RSU1: variants seen among roughly 807,000 people sequenced by gnomAD.
RSU1 encodes the protein rsu-1.
Under a neutral mutation model 31.1 loss-of-function variants are expected in RSU1, and 26 were observed. That is an observed-to-expected ratio of 0.84 (90% CI 0.61 to 1.16). The LOEUF is 1.16. Among genes scored for constraint, RSU1 ranks in the 50% most tolerant of loss-of-function variants. The probability of loss-of-function intolerance (pLI) is 0.00; values close to 1 mark genes in which losing one functional copy is unlikely to be tolerated. For synonymous variants in RSU1, 164 were observed against 136.3 expected (o/e 1.20, Z -1.41); for missense variants, 320 against 339.1 (o/e 0.94, Z 0.44).
intron 8 of RSU1, among the ~76,000 whole-genome samples, chr10:16,619,671 T>C (rs76933941): frequency 6.6e-6 from 1 of 152,218 alleles, no homozygotes; most frequent in African/African-American, 2.4e-5. Flanking sequence ...CCTAGACTTA[T>C]GGACACATGG....
At chr10:16,817,228 C>T (rs536884102) in intron 1 of RSU1, 87 bp downstream of exon 1, 5 of 432,196 alleles carry the variant, frequency 1.2e-5, no homozygotes, top group East Asian at 4.9e-5. Context: ...GGTCCGGGTG[C>T]GGGGAGGGGA....
At chr10:16,765,641 CT>C (rs1837299043) in intron 3 of RSU1, among the ~76,000 whole-genome samples, 1 of 152,230 alleles carries the variant, frequency 6.6e-6, no homozygotes, top group South Asian at 2.1e-4. Flanking sequence ...GCTATTCAGT[CT>C]TTCTACAAAC....
intron 7 of RSU1, among the ~76,000 whole-genome samples, chr10:16,715,605 C>T (rs1836124513): frequency 6.6e-6 from 1 of 152,182 alleles, no homozygotes; most frequent in African/African-American, 2.4e-5. Flanking sequence ...GTCAAAAAAT[C>T]ACTTGACCAT....
Position 16,697,987 on chromosome 10 carries a change from C to CTTTT in RSU1, c.599-2836_599-2833dup, listed in dbSNP as rs67816326. Reference sequence around the variant, plus strand: ...CAGAGGGGTGATTGCAGGAACACACCTTTTTTTTTTTTTTTTTTTTTTTTT... The same window carrying CTTTT: ...CAGAGGGGTGATTGCAGGAACACACCTTTTTTTTTTTTTTTTTTTTTTTTTTTTT... On this transcript the variant is annotated intron_variant, in intron 7 of 8. Transcript: ENST00000345264. 1.6e-3 allele frequency among the ~76,000 whole-genome samples: 155 copies of CTTTT among 99,546 alleles called. 5 individuals are homozygous for CTTTT. The highest frequency in any genetic ancestry group is 6.5e-3 in the African/African-American group (132 of 20,254). The allele number at this position is 99,546 out of a possible 152,430, so 65.3% of individuals were successfully genotyped here. A position where few individuals can be genotyped will look rare whatever the true frequency, so the allele number is the denominator to read the frequency against.
rs973614856 is a variant in RSU1 at position 16,614,006 on chromosome 10, T to C, written c.732-20510A>G. On this transcript the variant is annotated intron_variant, in intron 8 of 8. Transcript: ENST00000345264. ...GATTCAGGGGTACTCGCAGGGATTGTGGGCAATAGCATTAACGCCAGAAAA... is the reference window on the plus strand; with the variant it reads ...GATTCAGGGGTACTCGCAGGGATTGCGGGCAATAGCATTAACGCCAGAAAA... Among the ~76,000 whole-genome samples, 4 of 152,230 alleles carry C rather than the reference T, an allele frequency of 2.6e-5. No individual in the cohort carries two copies. In the East Asian group the frequency reaches 7.7e-4, roughly 29 times the overall value.
At chr10:16,595,043 C>T (rs1201483414) in intron 8 of RSU1, among the ~76,000 whole-genome samples, 2 of 151,882 alleles carry the variant, frequency 1.3e-5, no homozygotes, top group African/African-American at 2.4e-5. Context: ...CTTGGCCTCC[C>T]AAAGTGCTGA....
intron 3 of RSU1, among the ~76,000 whole-genome samples, chr10:16,770,957 TAAAAA>T (rs10547207): frequency 1.7e-5 from 2 of 120,100 alleles, no homozygotes; most frequent in Non-Finnish European, 3.5e-5. Context: ...TATTGCTATT[TAAAAA>T]AAAAAAAAAA....
intron 2 of RSU1, among the ~76,000 whole-genome samples, chr10:16,785,526 A>ACACATAT (rs1240281059): frequency 7.1e-6 from 1 of 141,824 alleles, no homozygotes; most frequent in African/African-American, 2.9e-5. Flanking sequence ...ATATATATAT[A>ACACATAT]ATATTAGTTC....
intron 7 of RSU1, chr10:16,727,176 T>C (rs568726999): frequency 1.3e-5 from 6 of 456,448 alleles, no homozygotes; most frequent in East Asian, 7.0e-5. Flanking sequence ...ACAGGAGTCA[T>C]TGACTTCAGA....
intron 8 of RSU1, among the ~76,000 whole-genome samples, chr10:16,626,687 C>A (rs1235711310): frequency 2.0e-5 from 3 of 152,176 alleles, no homozygotes; most frequent in Non-Finnish European, 4.4e-5. Flanking sequence ...GTTGCCACAT[C>A]TGAAAAGGAG....
At chr10:16,793,545 AAC>A (rs761287644) in intron 2 of RSU1, among the ~76,000 whole-genome samples, 1 of 152,168 alleles carries the variant, frequency 6.6e-6, no homozygotes, top group East Asian at 1.9e-4. Context: ...TTCTTGTCCA[AAC>A]ACACAGTTTT....
At chr10:16,720,557 A>C (rs1005861648) in intron 7 of RSU1, among the ~76,000 whole-genome samples, 1 of 152,240 alleles carries the variant, frequency 6.6e-6, no homozygotes, top group African/African-American at 2.4e-5. Flanking sequence ...AAATCCTCTT[A>C]AATTCTTGTT....
At chr10:16,689,368 C>A (rs1379856394) in intron 8 of RSU1, among the ~76,000 whole-genome samples, 2 of 152,150 alleles carry the variant, frequency 1.3e-5, no homozygotes, top group East Asian at 1.9e-4. Flanking sequence ...AATGCCCTAG[C>A]CTTGTGGTGG....
At position 16,747,309 on chromosome 10, in the gene RSU1, C is replaced by A. The variant is rs554939510; in HGVS notation, c.598+5230G>T. On this transcript the variant is annotated intron_variant, in intron 7 of 8. Coordinates refer to ENST00000345264, the MANE Select transcript of RSU1 (RefSeq NM_012425.4). ...ATAATGCCCCAAACTATATATGCAG[C>A]CTAGACGTCTCTTCTGGACTCTAGA... 1.6e-4 allele frequency among the ~76,000 whole-genome samples: 25 copies of A among 152,290 alleles called. No individual in the cohort carries two copies. The South Asian group carries it at 5.2e-3, about 32-fold the overall frequency.
intron 7 of RSU1, chr10:16,723,073 T>A (rs552348433): frequency 6.6e-6 from 1 of 151,784 alleles, no homozygotes; most frequent in African/African-American, 2.4e-5. Flanking sequence ...TCATGTGATA[T>A]ATATATATAC....
In RSU1 at chr10:16,776,417, G is replaced by A. The variant is rs561733603; in HGVS notation, c.160+5617C>T. Among the ~76,000 whole-genome samples, 4 of 151,678 alleles carry A rather than the reference G, an allele frequency of 2.6e-5. No homozygotes were observed. The East Asian group carries it at 5.8e-4, about 22-fold the overall frequency. On this transcript the variant is annotated intron_variant, in intron 3 of 8. Transcript: ENST00000345264. ...TAAATTATTGAAACCACCAAAGAAGGTATCTTAGTATTTCTTGTTTGTTAT... is the reference window on the plus strand; with the variant it reads ...TAAATTATTGAAACCACCAAAGAAGATATCTTAGTATTTCTTGTTTGTTAT...
chr10:16,597,978 C>T (rs914306449), intron 8 of RSU1, among the ~76,000 whole-genome samples: 117 of 152,284 alleles, frequency 7.7e-4, no homozygotes, highest in African/African-American at 2.6e-3. Context: ...ATGGCAGTGG[C>T]GGTGCAGTCA....
At chr10:16,739,040 C>T (rs1256067671) in intron 7 of RSU1, among the ~76,000 whole-genome samples, 1 of 152,146 alleles carries the variant, frequency 6.6e-6, no homozygotes, top group Non-Finnish European at 1.5e-5. Flanking sequence ...AGGACATGAA[C>T]TCATTCTTTT....
intron 7 of RSU1, among the ~76,000 whole-genome samples, chr10:16,737,342 T>C (rs1836648088): frequency 6.6e-6 from 1 of 151,184 alleles, no homozygotes. Flanking sequence ...TAAAACCCAA[T>C]GATAAACAGA....
Sources: gnomAD v4.1 joint callset for allele counts (sites outside exome capture counted in the v4.1 genomes callset) on GRCh38, gnomAD v4.1.1 for gene constraint, MANE v1.5 for transcripts, NCBI Gene and HGNC (gene_info 2026-07-23, HGNC 2026-07-21) for gene names.